MSTO1: variants seen among roughly 807,000 people sequenced by gnomAD.
MSTO1 encodes protein misato homolog 1.
MSTO1 carries 24 observed loss-of-function variants against 55.7 expected under a neutral mutation model. The ratio of observed to expected loss-of-function variants is 0.43; its 90% CI spans 0.31 to 0.61. The LOEUF is 0.61. Among genes scored for constraint, MSTO1 ranks in the 20% least tolerant of loss-of-function variants. The pLI, the probability that MSTO1 is intolerant of heterozygous loss-of-function variation, is 0.09. For synonymous variants in MSTO1, 162 were observed against 252.8 expected (o/e 0.64, Z 3.41); for missense variants, 363 against 625.7 (o/e 0.58, Z 4.48).
chr1:155,601,205 C>A, the MSTO1 span, among the ~76,000 whole-genome samples: 4 of 149,414 alleles, frequency 2.7e-5, no homozygotes, highest in African/African-American at 9.9e-5. Context: ...GTAATCTCGG[C>A]TCATTGCAAC....
At chr1:155,563,471 G>T in the MSTO1 span, 1 of 456,662 alleles carries the variant, frequency 2.2e-6, no homozygotes, top group Admixed American at 2.3e-5. Context: ...GCCAACCTGG[G>T]ACCCGAGGAA....
the MSTO1 span, among the ~76,000 whole-genome samples, chr1:155,568,034 G>A: frequency 4.0e-5 from 6 of 149,210 alleles, no homozygotes; most frequent in Non-Finnish European, 7.4e-5. Flanking sequence ...GCGAAACCCT[G>A]TCTGAACAAA....
the MSTO1 span, among the ~76,000 whole-genome samples, chr1:155,575,158 T>C: frequency 6.6e-6 from 1 of 151,104 alleles, no homozygotes; most frequent in African/African-American, 2.4e-5. Context: ...TGAGCCACCA[T>C]GCCAGGCTAA....
the MSTO1 span, among the ~76,000 whole-genome samples, chr1:155,570,468 G>A: frequency 6.6e-6 from 1 of 152,112 alleles, no homozygotes; most frequent in African/African-American, 2.4e-5. Flanking sequence ...CAGTGATTCA[G>A]GATCACCCTA....
At chr1:155,568,940 C>T in the MSTO1 span, among the ~76,000 whole-genome samples, 2 of 150,662 alleles carry the variant, frequency 1.3e-5, no homozygotes, top group African/African-American at 4.9e-5. Context: ...CAACCTGCAT[C>T]TCCCGGGTTC....
In MSTO1 at chr1:155,612,952, A is replaced by G. The variant is rs754880237; in HGVS notation, c.1075A>G (p.Met359Val). Residue 359 changes from methionine (M) to valine (V), a missense_variant, in exon 10 of 14, where the codon ATG becomes GTG. Met to Val is a conservative substitution (Grantham distance 21, BLOSUM62 1). Coordinates refer to ENST00000245564, the MANE Select transcript of MSTO1 (RefSeq NM_018116.4). ...SPVSMVHLAD[M>V]LSFCGKKVVT... ...AGTTTCCATGGTTCATCTGGCTGAC[A>G]TGCTGAGCTTCTGTGGGAAAAAGGT... 4 of 1,613,870 alleles carry G rather than the reference A, an allele frequency of 2.5e-6. No individual in the cohort carries two copies. Among genetic ancestry groups the G allele is most frequent in the South Asian group, 1.1e-5 (1 of 91,084 alleles).
the MSTO1 span, among the ~76,000 whole-genome samples, chr1:155,566,910 C>T: frequency 6.6e-6 from 1 of 151,836 alleles, no homozygotes. Flanking sequence ...CCACCACACC[C>T]GGCCAGGTTA....
chr1:155,598,766 CA>C, the MSTO1 span: 1 of 809,688 alleles, frequency 1.2e-6, no homozygotes, highest in Non-Finnish European at 2.1e-6. Context: ...GTTGACAGTA[CA>C]AGTGACCTTT....
rs1675257410 is a variant in MSTO1 at position 155,614,834 on chromosome 1, G to A, written c.*561G>A. On this transcript the variant is annotated 3_prime_UTR_variant, in exon 14 of 14. Transcript: ENST00000245564. ...TCAGAGCTGGCTTCACAGGCAGTGTGGAAGAGCTGCATGAGTTCTCGAAAA... is the reference window on the plus strand; with the variant it reads ...TCAGAGCTGGCTTCACAGGCAGTGTAGAAGAGCTGCATGAGTTCTCGAAAA... 6.3e-7 allele frequency: 1 copy of A among 1,578,950 alleles called. No individual in the cohort carries two copies. The highest frequency in any genetic ancestry group is 2.3e-5 in the East Asian group (1 of 43,278).
In MSTO1 at chr1:155,613,446, G is replaced by C. The variant is rs1571261227; in HGVS notation, c.1284-16G>C. 5 of 1,613,962 alleles carry C rather than the reference G, an allele frequency of 3.1e-6. No individual in the cohort carries two copies. Among genetic ancestry groups the C allele is most frequent in the Non-Finnish European group, 4.2e-6 (5 of 1,179,966 alleles). On this transcript the variant is annotated splice_polypyrimidine_tract_variant and intron_variant, in intron 11 of 13. Coordinates refer to ENST00000245564, the MANE Select transcript of MSTO1 (RefSeq NM_018116.4). Reference sequence around the variant, plus strand: ...GCAGCCACAGACTAATGGTGGTTTTGGCTTTGTTCTGGCAGCCAGCTCACC... The same window carrying C: ...GCAGCCACAGACTAATGGTGGTTTTCGCTTTGTTCTGGCAGCCAGCTCACC...
At chr1:155,606,363 A>G (rs1191241659), upstream of MSTO1, among the ~76,000 whole-genome samples, 1 of 145,844 alleles carries the variant, frequency 6.9e-6, no homozygotes, top group South Asian at 2.2e-4. Flanking sequence ...CCTGGCCAAG[A>G]TACAACTTTT....
At chr1:155,598,669 C>T in the MSTO1 span, among the ~76,000 whole-genome samples, 1 of 152,126 alleles carries the variant, frequency 6.6e-6, no homozygotes, top group Non-Finnish European at 1.5e-5. Flanking sequence ...TTGCAGTGAG[C>T]CAAGATCACG....
chr1:155,612,577 C>G lies in MSTO1; in HGVS notation c.966+7C>G, dbSNP rs1401730961. ...CCCTTACCTGCATTATGATGTAAGT[C>G]TCGGTGCTCTTGTTCTGACTGCGGC... On this transcript the variant is annotated splice_region_variant and intron_variant, in intron 9 of 13. Transcript: ENST00000245564. 1 of 1,606,352 alleles carries G rather than the reference C, an allele frequency of 6.2e-7. No homozygotes were observed. The highest frequency in any genetic ancestry group is 1.1e-5 in the South Asian group (1 of 90,472).
upstream of MSTO1, among the ~76,000 whole-genome samples, chr1:155,607,121 C>T (rs1558242608): frequency 6.6e-6 from 1 of 151,874 alleles, no homozygotes; most frequent in Non-Finnish European, 1.5e-5. Flanking sequence ...TGTGAGCCAC[C>T]ACACCCAGCC....
At chr1:155,608,793 C>T (rs540014771), upstream of MSTO1, among the ~76,000 whole-genome samples, 1 of 151,752 alleles carries the variant, frequency 6.6e-6, no homozygotes, top group East Asian at 1.9e-4. Context: ...TGAACCGCGG[C>T]GCCCGGCCTT....
At chr1:155,600,997 TTAAA>T in the MSTO1 span, among the ~76,000 whole-genome samples, 1 of 149,258 alleles carries the variant, frequency 6.7e-6, no homozygotes, top group African/African-American at 2.5e-5. Flanking sequence ...TTTTTTTTTT[TTAAA>T]TAGAGATGGA....
the MSTO1 span, among the ~76,000 whole-genome samples, chr1:155,574,711 C>T: frequency 2.0e-5 from 3 of 152,002 alleles, no homozygotes; most frequent in Non-Finnish European, 2.9e-5. Flanking sequence ...GAACTACAGG[C>T]ACAGGCAACT....
the MSTO1 span, among the ~76,000 whole-genome samples, chr1:155,601,163 T>C: frequency 2.6e-5 from 4 of 151,140 alleles, no homozygotes; most frequent in Non-Finnish European, 4.4e-5. Flanking sequence ...AAATGGAGTC[T>C]CACTCTGTTG....
chr1:155,590,693 G>A, the MSTO1 span: 35 of 1,515,662 alleles, frequency 2.3e-5, no homozygotes, highest in African/African-American at 9.7e-5. Context: ...CTGGGGCCCC[G>A]TGACCCCCCG....
Sources: gnomAD v4.1 joint callset for allele counts (sites outside exome capture counted in the v4.1 genomes callset) on GRCh38, gnomAD v4.1.1 for gene constraint, MANE v1.5 for transcripts, NCBI Gene and HGNC (gene_info 2026-07-23, HGNC 2026-07-21) for gene names.